The following PFDN2 variants were observed in gnomAD, a reference collection of about 807,000 sequenced individuals.
PFDN2 encodes prefoldin 2.
PFDN2 carries 7 observed loss-of-function variants against 18.3 expected under a neutral mutation model. That is an observed-to-expected ratio of 0.38 (90% CI 0.22 to 0.72). The LOEUF (loss-of-function observed/expected upper bound fraction) is 0.72, where lower values mean the gene tolerates loss of function less well. PFDN2 is among the 30% of genes least tolerant of loss of function. The probability of loss-of-function intolerance (pLI) is 0.47; values close to 1 mark genes in which losing one functional copy is unlikely to be tolerated. For missense variants in PFDN2, 181 were observed against 199.1 expected (o/e 0.91, Z 0.55); for synonymous variants, 76 against 75.0 (o/e 1.01, Z -0.07).
At chr1:161,115,353 G>A (rs889228130) in intron 1 of PFDN2, among the ~76,000 whole-genome samples, 7 of 152,220 alleles carry the variant, frequency 4.6e-5, no homozygotes, top group East Asian at 3.9e-4. Context: ...CGTGAGCCAC[G>A]GCACCTGGCC....
At chr1:161,114,050 TTC>T (rs1417338851) in intron 1 of PFDN2, among the ~76,000 whole-genome samples, 4 of 152,216 alleles carry the variant, frequency 2.6e-5, no homozygotes, top group African/African-American at 9.6e-5. Context: ...CTTGTTCTAC[TTC>T]TTTTTTCACT....
In PFDN2 at chr1:161,100,846, A is replaced by T; in HGVS notation, c.302T>A (p.Ile101Asn). The change falls in exon 4 of 4, where the codon ATT becomes AAT. Residue 101 changes from isoleucine (I) to asparagine (N), a missense_variant. Coordinates refer to ENST00000368010, the MANE Select transcript of PFDN2 (RefSeq NM_012394.4). ...ENNKEQIQKI[I>N]ETLTQQLQAK... Reference sequence around the variant, plus strand: ...CTGAAGCTGCTGTGTCAGTGTCTCAATGATCTTCTGTATCTAGAGGACAAG... The same window carrying T: ...CTGAAGCTGCTGTGTCAGTGTCTCATTGATCTTCTGTATCTAGAGGACAAG... 2 of 1,613,326 alleles carry T rather than the reference A, an allele frequency of 1.2e-6. No homozygotes were observed. The highest frequency in any genetic ancestry group is 1.7e-6 in the Non-Finnish European group (2 of 1,179,318).
intron 3 of PFDN2, among the ~76,000 whole-genome samples, chr1:161,101,727 T>C (rs979137129): frequency 1.3e-5 from 2 of 152,136 alleles, no homozygotes; most frequent in Non-Finnish European, 2.9e-5. Flanking sequence ...GCACTTAGCA[T>C]AGCATAATGA....
chr1:161,102,009 A>G, intron 3 of PFDN2, 39 bp downstream of exon 3: 2 of 1,611,812 alleles, frequency 1.2e-6, no homozygotes, highest in Non-Finnish European at 1.7e-6. Context: ...CTGGGTTTAC[A>G]GCCACTGTAC....
chr1:161,101,780 G>T (rs1342617485), intron 3 of PFDN2, among the ~76,000 whole-genome samples: 1 of 152,100 alleles, frequency 6.6e-6, no homozygotes, highest in Non-Finnish European at 1.5e-5. Context: ...CTGAGACAGG[G>T]TCTCACTCTG....
chr1:161,109,769 T>G (rs1021510438), intron 1 of PFDN2, among the ~76,000 whole-genome samples: 1 of 152,208 alleles, frequency 6.6e-6, no homozygotes, highest in Admixed American at 6.5e-5. Context: ...AGAGGTGGGC[T>G]GATCACTTCA....
intron 1 of PFDN2, among the ~76,000 whole-genome samples, chr1:161,103,516 C>A (rs1654615072): frequency 6.6e-6 from 1 of 151,378 alleles, no homozygotes; most frequent in Non-Finnish European, 1.5e-5. Flanking sequence ...GGTGAAACCC[C>A]ATCTCTACTA....
At chr1:161,115,884 T>C (rs1654904832) in intron 1 of PFDN2, among the ~76,000 whole-genome samples, 1 of 152,136 alleles carries the variant, frequency 6.6e-6, no homozygotes, top group East Asian at 1.9e-4. Context: ...ACAGTATCTG[T>C]ATCGCTGTAC....
chr1:161,109,776 T>C (rs1300209656), intron 1 of PFDN2, among the ~76,000 whole-genome samples: 4 of 152,148 alleles, frequency 2.6e-5, no homozygotes, highest in Admixed American at 2.6e-4. Context: ...GGCTGATCAC[T>C]TCAGGCCAGG....
chr1:161,114,437 G>A lies in PFDN2; in HGVS notation c.75+3515C>T, dbSNP rs150781893. On this transcript the variant is annotated intron_variant, in intron 1 of 3. Coordinates refer to ENST00000368010, the MANE Select transcript of PFDN2 (RefSeq NM_012394.4). ...TCCCAAACATGCCAGGCAGTTTCAC[G>A]CCTTAGTGTTTTGGAACACATTTAT... 3.2e-3 allele frequency among the ~76,000 whole-genome samples: 484 copies of A among 152,224 alleles called. 5 individuals carry two copies. Among genetic ancestry groups the A allele is most frequent in the South Asian group, 0.02 (96 of 4,824 alleles).
intron 1 of PFDN2, 58 bp downstream of exon 1, chr1:161,117,892 CCT>C: frequency 1.4e-6 from 2 of 1,410,316 alleles, no homozygotes; most frequent in South Asian, 2.5e-5. Flanking sequence ...ACAGGCTCCC[CCT>C]TCTCGCTAGT....
rs760330512 is a variant in PFDN2, at chr1:161,118,007, C to A, written c.20G>T (p.Arg7Leu). 3 of 1,612,200 alleles carry A rather than the reference C, an allele frequency of 1.9e-6. No homozygotes were observed. The highest frequency in any genetic ancestry group is 1.7e-5 in the Admixed American group (1 of 59,942). ...GCCGCTCCCGCTGCTCTTGCCGGCG[C>A]GACCGCTGTTCTCCGCCATCTTCGC... MAENSG[R>L]AGKSSGSGAG... Residue 7 changes from arginine to leucine, a missense_variant, in exon 1 of 4, where the codon CGC becomes CTC. Transcript: ENST00000368010.
Position 161,102,373 on chromosome 1 carries a change from C to G in PFDN2, c.78G>C (p.Val26=), listed in dbSNP as rs765994500. 6 of 1,613,224 alleles carry G rather than the reference C, an allele frequency of 3.7e-6. No individual in the cohort carries two copies. The East Asian group carries it at 1.1e-4, about 30-fold the overall frequency. Reference sequence around the variant, plus strand: ...GCCGAAGGCGGTTGAAGCCAGCAATCACCTAACAAGGTGAGAGAAGAGATG... The same window carrying G: ...GCCGAAGGCGGTTGAAGCCAGCAATGACCTAACAAGGTGAGAGAAGAGATG... The part of the protein sequence containing the change: ...AGKGAVSAEQ[V]IAGFNRLRQE... Residue 26 remains valine (V), a splice_region_variant and synonymous_variant, in exon 2 of 4, where the codon GTG becomes GTC. Coordinates refer to ENST00000368010, the MANE Select transcript of PFDN2 (RefSeq NM_012394.4).
chr1:161,106,981 G>GT (rs1369176192), intron 1 of PFDN2, among the ~76,000 whole-genome samples: 1 of 150,742 alleles, frequency 6.6e-6, no homozygotes, highest in Non-Finnish European at 1.5e-5. Context: ...GCTAATTTCT[G>GT]TATTTTTTTG....
At chr1:161,117,855 G>A in intron 1 of PFDN2, 97 bp downstream of exon 1, 4 of 1,089,864 alleles carry the variant, frequency 3.7e-6, no homozygotes, top group Non-Finnish European at 5.3e-6. Flanking sequence ...CGCACATGTG[G>A]TGCTGGAGTA....
At chr1:161,101,935 G>A in intron 3 of PFDN2, 113 bp downstream of exon 3, 7 of 1,011,268 alleles carry the variant, frequency 6.9e-6, no homozygotes. Flanking sequence ...GTTTCACCAT[G>A]TTGCCCAGGC....
At chr1:161,106,288 C>G (rs987281521) in intron 1 of PFDN2, among the ~76,000 whole-genome samples, 5 of 152,156 alleles carry the variant, frequency 3.3e-5, no homozygotes, top group African/African-American at 1.2e-4. Context: ...AATTAAACCA[C>G]TTTTCTTATA....
chr1:161,100,611 A>G lies in PFDN2; in HGVS notation c.*72T>C. On this transcript the variant is annotated 3_prime_UTR_variant, in exon 4 of 4. Transcript: ENST00000368010. Reference sequence around the variant, plus strand: ...AAAAAATATTACAATAGCAGAGAAAATAATAATAATAACAATAAAGAGAAA... The same window carrying G: ...AAAAAATATTACAATAGCAGAGAAAGTAATAATAATAACAATAAAGAGAAA... The G allele has an allele frequency of 5.7e-6, 6 of 1,047,142 alleles. No individual in the cohort carries two copies. The highest frequency in any genetic ancestry group is 8.1e-6 in the Non-Finnish European group (6 of 737,922). The allele number at this position is 1,047,142 out of a possible 1,614,324, so 64.9% of individuals were successfully genotyped here.
At chr1:161,106,143 C>T (rs970645815) in intron 1 of PFDN2, among the ~76,000 whole-genome samples, 2 of 152,110 alleles carry the variant, frequency 1.3e-5, no homozygotes, top group African/African-American at 4.8e-5. Context: ...GACACCTACC[C>T]CTCTTTATTC....
Sources: gnomAD v4.1 joint callset for allele counts (sites outside exome capture counted in the v4.1 genomes callset) on GRCh38, gnomAD v4.1.1 for gene constraint, MANE v1.5 for transcripts, NCBI Gene and HGNC (gene_info 2026-07-23, HGNC 2026-07-21) for gene names.